SPINT2: variants seen among roughly 807,000 people sequenced by gnomAD.
SPINT2 encodes serine peptidase inhibitor, Kunitz type 2.
Under a neutral mutation model 30.1 loss-of-function variants are expected in SPINT2, and 18 were observed. The observed-to-expected ratio is 0.60, with a 90% CI of 0.41 to 0.89. The LOEUF (loss-of-function observed/expected upper bound fraction) is 0.89, where lower values mean the gene tolerates loss of function less well. Among genes scored for constraint, SPINT2 ranks in the 40% least tolerant of loss-of-function variants. SPINT2 has a pLI of 0.00. For synonymous variants in SPINT2, 139 were observed against 137.9 expected (o/e 1.01, Z -0.05); for missense variants, 276 against 334.3 (o/e 0.83, Z 1.36).
intron 1 of SPINT2, among the ~76,000 whole-genome samples, chr19:38,279,739 C>T (rs949645942): frequency 6.6e-5 from 10 of 152,172 alleles, no homozygotes; most frequent in Admixed American, 3.3e-4. Flanking sequence ...CTGCAACCTC[C>T]GCCTTGCGGG....
chr19:38,278,396 A>G (rs564145752), intron 1 of SPINT2, among the ~76,000 whole-genome samples: 1 of 152,274 alleles, frequency 6.6e-6, no homozygotes, highest in East Asian at 1.9e-4. Flanking sequence ...TGGCTGCCTC[A>G]CTTTAACCAC....
chr19:38,265,036 G>A (rs537430029), intron 1 of SPINT2, 38 bp downstream of exon 1: 52 of 1,506,144 alleles, frequency 3.5e-5, no homozygotes, highest in Non-Finnish European at 3.8e-5. Flanking sequence ...CGGGGCGCAG[G>A]GGGCAGAGGC....
At chr19:38,277,190 A>G (rs1306735055) in intron 1 of SPINT2, among the ~76,000 whole-genome samples, 2 of 152,198 alleles carry the variant, frequency 1.3e-5, no homozygotes, top group Non-Finnish European at 2.9e-5. Flanking sequence ...TGCAAAGTAG[A>G]CACAGCTGCA....
At chr19:38,269,400 C>CTTTTT (rs397859727) in intron 1 of SPINT2, among the ~76,000 whole-genome samples, 2 of 64,906 alleles carry the variant, frequency 3.1e-5, no homozygotes, top group Non-Finnish European at 5.5e-5. Context: ...TCTCCTGCAC[C>CTTTTT]TTTTTTTTTT....
intron 1 of SPINT2, among the ~76,000 whole-genome samples, chr19:38,280,406 A>G (rs538013630): frequency 2.0e-4 from 30 of 152,304 alleles, no homozygotes; most frequent in Middle Eastern, 6.8e-3. Context: ...GCTGATTCAC[A>G]TCAGCATGCA....
chr19:38,279,705 G>A (rs1968559183), intron 1 of SPINT2, among the ~76,000 whole-genome samples: 1 of 152,132 alleles, frequency 6.6e-6, no homozygotes, highest in Non-Finnish European at 1.5e-5. Context: ...CCAGGCTGGA[G>A]TGCGATGGCA....
chr19:38,265,190 C>G (rs1451148489), intron 1 of SPINT2, 192 bp downstream of exon 1: 7 of 549,554 alleles, frequency 1.3e-5, no homozygotes, highest in Non-Finnish European at 2.3e-5. Context: ...ACAGCGAAGA[C>G]GGGCGGAGGA....
intron 1 of SPINT2, among the ~76,000 whole-genome samples, chr19:38,280,443 T>C (rs58633465): frequency 0.099 from 15,131 of 152,134 alleles, 854 homozygotes; most frequent in East Asian, 0.17. Context: ...ACAGTGATGT[T>C]CTCACTGTAA....
chr19:38,287,291 C>T (rs1331613377), intron 2 of SPINT2, among the ~76,000 whole-genome samples: 4 of 152,186 alleles, frequency 2.6e-5, no homozygotes, highest in Admixed American at 6.5e-5. Context: ...CTCCGCCTCC[C>T]GAGTTCAAGC....
At chr19:38,281,537 C>A (rs1488639601) in intron 1 of SPINT2, among the ~76,000 whole-genome samples, 1 of 152,002 alleles carries the variant, frequency 6.6e-6, no homozygotes, top group African/African-American at 2.4e-5. Flanking sequence ...TGGTGACACC[C>A]CATCTCTACT....
At chr19:38,285,171 T>G (rs1364268169) in intron 2 of SPINT2, among the ~76,000 whole-genome samples, 1 of 152,132 alleles carries the variant, frequency 6.6e-6, no homozygotes, top group African/African-American at 2.4e-5. Flanking sequence ...ATTTTGACCC[T>G]GATAACCTCA....
At chr19:38,268,212 G>A (rs1360661076) in intron 1 of SPINT2, among the ~76,000 whole-genome samples, 1 of 152,104 alleles carries the variant, frequency 6.6e-6, no homozygotes, top group African/African-American at 2.4e-5. Flanking sequence ...AGTGAGGGCA[G>A]GTGGGAAGGG....
chr19:38,289,231 G>A (rs1968681075), intron 4 of SPINT2, 40 bp downstream of exon 4: 3 of 1,586,230 alleles, frequency 1.9e-6, no homozygotes, highest in African/African-American at 1.3e-5. Context: ...GCTCACACCT[G>A]TAATCCCAGC....
At chr19:38,289,036 G>T in intron 3 of SPINT2, 102 bp from the exon 4 acceptor site, 1 of 1,042,516 alleles carries the variant, frequency 9.6e-7, no homozygotes, top group South Asian at 1.3e-5. Flanking sequence ...CCTTCTTAAA[G>T]GCGTGTCCAC....
At chr19:38,282,176 GC>G (rs1397126815) in intron 1 of SPINT2, among the ~76,000 whole-genome samples, 1 of 152,176 alleles carries the variant, frequency 6.6e-6, no homozygotes, top group Non-Finnish European at 1.5e-5. Flanking sequence ...CTGGTTTCAT[GC>G]CCATCACTGT....
At chr19:38,269,811 G>A (rs866990559) in intron 1 of SPINT2, among the ~76,000 whole-genome samples, 15 of 85,414 alleles carry the variant, frequency 1.8e-4, no homozygotes, top group East Asian at 5.8e-4. Flanking sequence ...GGGTTTCACC[G>A]TGTTAGCCAG....
At chr19:38,275,361 G>C (rs939849993) in intron 1 of SPINT2, among the ~76,000 whole-genome samples, 31 of 152,110 alleles carry the variant, frequency 2.0e-4, no homozygotes, top group Non-Finnish European at 1.2e-4. Context: ...GTCTTGCTCT[G>C]TCGCCCAGGC....
At chr19:38,282,786 C>A (rs1156699271) in intron 1 of SPINT2, among the ~76,000 whole-genome samples, 2 of 152,226 alleles carry the variant, frequency 1.3e-5, no homozygotes, top group African/African-American at 4.8e-5. Context: ...AAGCTTCCTT[C>A]TGAGGCTCTT....
intron 2 of SPINT2, 36 bp downstream of exon 2, chr19:38,283,833 CTTTTTTT>C (rs754820019): frequency 0.15 from 137,331 of 924,206 alleles, 1,875 homozygotes; most frequent in East Asian, 0.21. Context: ...TGTTTTTTTC[CTTTTTTT>C]TTTTTTTTTT....
Sources: allele counts gnomAD v4.1 joint callset (sites outside exome capture counted in the v4.1 genomes callset), GRCh38; gene constraint gnomAD v4.1.1; transcripts MANE v1.5; gene names NCBI Gene and HGNC (gene_info 2026-07-23, HGNC 2026-07-21).